SPEG: variants seen among roughly 807,000 people sequenced by gnomAD.
SPEG encodes the protein striated muscle preferentially expressed protein kinase.
Under a neutral mutation model 300.4 loss-of-function variants are expected in SPEG, and 114 were observed. The ratio of observed to expected loss-of-function variants is 0.38; its 90% CI spans 0.33 to 0.44. SPEG has a LOEUF of 0.44. Ranked by LOEUF, SPEG falls within the 20% of genes least tolerant of loss-of-function variation. The pLI is 1.00. For synonymous variants in SPEG, 1,964 were observed against 2,018.9 expected, an observed-to-expected ratio of 0.97 and a Z score of 0.73; for missense variants, 4,201 against 4,586.2, an observed-to-expected ratio of 0.92 and a Z score of 2.43.
In SPEG at chr2:219,465,844, CATGCATGTGT is replaced by C. The variant is rs1691233219; in HGVS notation, c.2881+1237_2881+1246del. The stretch of plus-strand genomic sequence containing the variant: ...GCGTGCGCATGCGTGCGTGTATGTG[CATGCATGTGT>C]GTGCATGTGTGTGCGTGTGTGCGTG... On this transcript the variant is annotated intron_variant, in intron 9 of 40. Coordinates refer to ENST00000312358, the MANE Select transcript of SPEG (RefSeq NM_005876.5). 3 of 610,772 alleles carry C rather than the reference CATGCATGTGT, an allele frequency of 4.9e-6. No individual in the cohort carries two copies. In the East Asian group the frequency reaches 8.6e-5, roughly 17 times the overall value. 37.8% of individuals were successfully genotyped at this position (610,772 alleles called of 1,614,324 possible).
intron 4 of SPEG, 157 bp from the exon 5 acceptor site, chr2:219,450,979 T>C: frequency 2.8e-6 from 2 of 717,018 alleles, no homozygotes; most frequent in Non-Finnish European, 4.4e-6. Flanking sequence ...CCTAAGGACA[T>C]TCAGGAGGCA....
At chr2:219,461,362 A>T in intron 6 of SPEG, 1 of 988,548 alleles carries the variant, frequency 1.0e-6, no homozygotes, top group Non-Finnish European at 1.2e-6. Flanking sequence ...CAGGCTAGAT[A>T]GTGCCGCCTC....
chr2:219,435,999 G>T (rs920594118), intron 1 of SPEG, among the ~76,000 whole-genome samples: 1 of 152,218 alleles, frequency 6.6e-6, no homozygotes, highest in East Asian at 1.9e-4. Context: ...CCACATGCAG[G>T]TGTGTGCCTG....
chr2:219,448,761 C>G lies in SPEG; in HGVS notation c.1603C>G (p.Leu535Val). The G allele has an allele frequency of 6.8e-7, 1 of 1,461,218 alleles. No individual in the cohort carries two copies. Among genetic ancestry groups the G allele is most frequent in the Middle Eastern group, 2.4e-4 (1 of 4,142 alleles). 90.5% of individuals were successfully genotyped at this position (1,461,218 alleles called of 1,614,324 possible). A position where few individuals can be genotyped will look rare whatever the true frequency, so the allele number is the denominator to read the frequency against. Residue 535 changes from leucine (L) to valine (V), a missense_variant, in exon 4 of 41, where the codon CTC (leucine) becomes GTC (valine). Leu to Val is a conservative substitution (Grantham distance 32, BLOSUM62 1). Coordinates refer to ENST00000312358, the MANE Select transcript of SPEG (RefSeq NM_005876.5). ...PSPREPGEPPLFSRPSTPKTS... is the reference protein window; with the variant it reads ...PSPREPGEPPVFSRPSTPKTS... ...CCCTCGAGAGCCCGGCGAGCCCCCG[C>G]TCTTCTCTCGGCCCTCCACCCCCAA...
intron 11 of SPEG, 29 bp downstream of exon 11, chr2:219,468,765 G>A: frequency 6.2e-7 from 1 of 1,612,322 alleles, no homozygotes; most frequent in Non-Finnish European, 8.5e-7. Context: ...AGGTGTTGAG[G>A]GCCCCCCCAA....
At chr2:219,491,649 TG>T in intron 38 of SPEG, 144 bp from the exon 39 acceptor site, 1 of 681,940 alleles carries the variant, frequency 1.5e-6, no homozygotes, top group Non-Finnish European at 2.6e-6. Flanking sequence ...TCCTGCCTAC[TG>T]GCCTTCAGGG....
At chr2:219,453,036 C>T (rs1362556403) in intron 6 of SPEG, among the ~76,000 whole-genome samples, 4 of 152,228 alleles carry the variant, frequency 2.6e-5, no homozygotes, top group Admixed American at 6.5e-5. Context: ...CCCGCTGAAT[C>T]ATGCCCGTCC....
At position 219,483,358 on chromosome 2, in the gene SPEG, TG is replaced by T; in HGVS notation, c.5899del (p.Ala1967LeufsTer272). ...ATGAGGCCCTGGGGACCCCAGAGAC[TG>T]GGGCTGCCACCCCCATGGACTGGCA... is the stretch of plus-strand genomic sequence containing the variant. ...EDEALGTPET[G>X]AATPMDWQEQ... On this transcript the variant is annotated frameshift_variant, in exon 30 of 41. Coordinates refer to ENST00000312358, the MANE Select transcript of SPEG (RefSeq NM_005876.5). LOFTEE classifies it high-confidence loss of function. 2 of 1,604,312 alleles carry T rather than the reference TG, an allele frequency of 1.2e-6. No homozygotes were observed. Among genetic ancestry groups the T allele is most frequent in the Non-Finnish European group, 8.5e-7 (1 of 1,176,630 alleles).
intron 30 of SPEG, 106 bp from the exon 31 acceptor site, chr2:219,485,240 T>A: frequency 6.7e-7 from 1 of 1,502,750 alleles, no homozygotes. Flanking sequence ...GCGGCAGGGC[T>A]GGGTGGGCTA....
chr2:219,451,089 C>T lies in SPEG; in HGVS notation c.2114-47C>T. The T allele has an allele frequency of 1.3e-6, 2 of 1,544,392 alleles. No individual in the cohort carries two copies. The highest frequency in any genetic ancestry group is 1.7e-6 in the Non-Finnish European group (2 of 1,148,696). Reference sequence around the variant, plus strand: ...CAGGACTCTCTCTCCCGCTGTCATCCCTGCAGGGATCATGGCCCCTTACCC... The same window carrying T: ...CAGGACTCTCTCTCCCGCTGTCATCTCTGCAGGGATCATGGCCCCTTACCC... On this transcript the variant is annotated intron_variant, in intron 4 of 40. Transcript: ENST00000312358. This position sits in a 1 kb window ranked among gnomAD's most constrained non-coding sequence, Gnocchi z 6.4.
In SPEG at chr2:219,481,605, A is replaced by G. The variant is rs1559415246; in HGVS notation, c.5523-33A>G. 6.2e-7 allele frequency: 1 copy of G among 1,613,468 alleles called. No homozygotes were observed. Among genetic ancestry groups the G allele is most frequent in the South Asian group, 1.1e-5 (1 of 91,054 alleles). On this transcript the variant is annotated intron_variant, in intron 27 of 40. Transcript: ENST00000312358. This position sits in a 1 kb window ranked among gnomAD's most constrained non-coding sequence, Gnocchi z 5.4. ...TTATTGACTCACTGATGACTGAACG[A>G]TAAATCCCTTCTTAATCCTCATTCA... is the stretch of plus-strand genomic sequence containing the variant.
chr2:219,445,292 G>C lies in SPEG; in HGVS notation c.815+131G>C. On this transcript the variant is annotated intron_variant, in intron 3 of 40. Transcript: ENST00000312358. The surrounding 1 kb of genome is among the most constrained non-coding windows in gnomAD (Gnocchi z 6.1). ...CTCTCTGTGCATTTCTTCACCCCCT[G>C]CTGCCACTCCATCTTCCCACACTGC... 1 of 887,672 alleles carries C rather than the reference G, an allele frequency of 1.1e-6. No individual in the cohort carries two copies. 55.0% of individuals were successfully genotyped at this position (887,672 alleles called of 1,614,324 possible). A position where few individuals can be genotyped will look rare whatever the true frequency, so the allele number is the denominator to read the frequency against.
At chr2:219,442,007 C>G (rs968414) in intron 1 of SPEG, 1 of 563,732 alleles carries the variant, frequency 1.8e-6, no homozygotes, top group Non-Finnish European at 2.6e-6. Flanking sequence ...CGCCCCCGCC[C>G]GTCCCCTCCT....
chr2:219,450,817 G>T, intron 4 of SPEG: 1 of 208,944 alleles, frequency 4.8e-6, no homozygotes, highest in East Asian at 1.1e-4. Context: ...ATACATGATG[G>T]CTGACGTGTT....
Position 219,489,776 on chromosome 2 carries a change from C to T in SPEG, c.8758C>T (p.Pro2920Ser). ...PPAPEPPAPE[P>S]PPEPTKVTVQ... is the part of the protein sequence containing the mutation. ...AGCCCCTGAGCCCCCAGCCCCTGAG[C>T]CCCCTCCTGAGCCTACCAAGGTGAC... The change falls in exon 36 of 41, where the codon CCC becomes TCC. Residue 2920 changes from proline (P) to serine (S), a missense_variant. Pro to Ser is a moderately conservative substitution (Grantham distance 74). Coordinates refer to ENST00000312358, the MANE Select transcript of SPEG (RefSeq NM_005876.5). 1 of 1,613,626 alleles carries T rather than the reference C, an allele frequency of 6.2e-7. No individual in the cohort carries two copies. The highest frequency in any genetic ancestry group is 1.1e-5 in the South Asian group (1 of 91,080).
At position 219,445,821 on chromosome 2, in the gene SPEG, G is replaced by A. The variant is rs552097533; in HGVS notation, c.815+660G>A. The A allele has an allele frequency of 5.2e-3, 804 of 155,820 alleles. 5 individuals are homozygous for A. Among genetic ancestry groups the A allele is most frequent in the African/African-American group, 0.018 (748 of 41,486 alleles). 9.7% of individuals were successfully genotyped at this position (155,820 alleles called of 1,614,324 possible). On this transcript the variant is annotated intron_variant, in intron 3 of 40. Transcript: ENST00000312358. The surrounding 1 kb of genome is among the most constrained non-coding windows in gnomAD (Gnocchi z 6.1). ...GAGAGGGCGGGAGTGATGGTGGCAG[G>A]GGGCTTGCAATGATTTCTCTCATGG...
chr2:219,482,001 C>T (rs1210981642), intron 28 of SPEG: 5 of 503,878 alleles, frequency 9.9e-6, no homozygotes, highest in African/African-American at 7.7e-5. Flanking sequence ...TTCCTGACTT[C>T]TGTCTGTCCA....
At chr2:219,450,897 A>T in intron 4 of SPEG, 1 of 422,750 alleles carries the variant, frequency 2.4e-6, no homozygotes, top group South Asian at 4.7e-5. Flanking sequence ...AAGTTGAGGA[A>T]CGGCCACACT....
intron 3 of SPEG, among the ~76,000 whole-genome samples, chr2:219,446,985 T>TTC (rs1689339119): frequency 6.6e-6 from 1 of 151,072 alleles, no homozygotes; most frequent in African/African-American, 2.4e-5. Context: ...CTTTTTTTTT[T>TTC]TTTTTTGCTT....
Sources: allele counts gnomAD v4.1 joint callset (sites outside exome capture counted in the v4.1 genomes callset), GRCh38; gene constraint gnomAD v4.1.1; non-coding constraint Gnocchi (gnomAD v3.1); transcripts MANE v1.5; gene names NCBI Gene and HGNC (gene_info 2026-07-23, HGNC 2026-07-21).